The following KLF7 variants were observed in gnomAD, a reference collection of about 807,000 sequenced individuals.
KLF7 encodes Krueppel-like factor 7.
A neutral mutation model predicts 27.3 loss-of-function variants in KLF7; 2 were observed. The ratio of observed to expected loss-of-function variants is 0.07; its 90% CI spans 0.03 to 0.23. KLF7 has a LOEUF of 0.23. Ranked by LOEUF, KLF7 falls within the 10% of genes least tolerant of loss-of-function variation. The pLI is 1.00. For missense variants in KLF7, 221 were observed against 394.1 expected, an observed-to-expected ratio of 0.56 and a Z score of 3.72; for synonymous variants, 165 against 162.4, an observed-to-expected ratio of 1.02 and a Z score of -0.12.
intron 3 of KLF7, 109 bp downstream of exon 3, chr2:207,088,349 G>A: frequency 2.3e-6 from 3 of 1,291,108 alleles, no homozygotes; most frequent in Non-Finnish European, 3.2e-6. Flanking sequence ...CCAGGTCCAA[G>A]TGTCTGTGAG....
At chr2:207,084,545 A>G (rs1274644560) in intron 3 of KLF7, among the ~76,000 whole-genome samples, 1 of 152,220 alleles carries the variant, frequency 6.6e-6, no homozygotes. Context: ...CCAAAAAAAA[A>G]ATGTATGATG....
intron 2 of KLF7, among the ~76,000 whole-genome samples, chr2:207,116,298 A>G (rs1168616549): frequency 6.6e-6 from 1 of 152,204 alleles, no homozygotes; most frequent in Admixed American, 6.5e-5. Context: ...ACTACATTCA[A>G]GCTGAATATT....
intron 1 of KLF7, chr2:207,149,231 A>C (rs1033823252): frequency 9.3e-7 from 1 of 1,074,124 alleles, no homozygotes; most frequent in Non-Finnish European, 1.3e-6. Context: ...ATCTGTTAAA[A>C]GCAACACCCC....
intron 2 of KLF7, among the ~76,000 whole-genome samples, chr2:207,109,790 T>C (rs1407151380): frequency 6.6e-6 from 1 of 152,128 alleles, no homozygotes; most frequent in Non-Finnish European, 1.5e-5. Flanking sequence ...ATCAAGATAA[T>C]ATTACTAATT....
At chr2:207,124,430 A>G (rs1161986820) in intron 1 of KLF7, 26 bp from the exon 2 acceptor site, 3 of 1,534,286 alleles carry the variant, frequency 2.0e-6, no homozygotes. Context: ...GGAGGGAGAG[A>G]AACAGCCATC....
intron 2 of KLF7, among the ~76,000 whole-genome samples, chr2:207,104,061 C>CT (rs1204409748): frequency 6.6e-6 from 1 of 152,138 alleles, no homozygotes; most frequent in African/African-American, 2.4e-5. Flanking sequence ...CCATCAAAGA[C>CT]GTCAAGCCCC....
intron 1 of KLF7, among the ~76,000 whole-genome samples, chr2:207,126,863 A>G (rs927796631): frequency 6.6e-6 from 1 of 151,934 alleles, no homozygotes; most frequent in Non-Finnish European, 1.5e-5. Context: ...TCCTTGAGGT[A>G]GTTCTCTGCC....
chr2:207,082,080 C>T (rs2076286013), intron 3 of KLF7, among the ~76,000 whole-genome samples: 1 of 152,128 alleles, frequency 6.6e-6, no homozygotes, highest in African/African-American at 2.4e-5. Context: ...AACTGAGTGC[C>T]TTCTTCATGT....
chr2:207,098,357 C>A (rs941357281), intron 2 of KLF7, among the ~76,000 whole-genome samples: 1 of 152,024 alleles, frequency 6.6e-6, no homozygotes. Context: ...TTAATCTTTC[C>A]CTTTCAAGAT....
At chr2:207,167,598 CT>C (rs1262514548), upstream of KLF7, among the ~76,000 whole-genome samples, 1 of 152,216 alleles carries the variant, frequency 6.6e-6, no homozygotes, top group East Asian at 1.9e-4. Flanking sequence ...GATTTATTTA[CT>C]TGTTAGTGTC....
intron 1 of KLF7, among the ~76,000 whole-genome samples, chr2:207,136,316 T>C (rs1443724344): frequency 1.3e-5 from 2 of 152,146 alleles, no homozygotes; most frequent in African/African-American, 4.8e-5. Flanking sequence ...CCTTACTCTT[T>C]TCTACTCCTC....
intron 1 of KLF7, among the ~76,000 whole-genome samples, chr2:207,162,621 C>G (rs1028976720): frequency 2.0e-5 from 3 of 152,238 alleles, no homozygotes; most frequent in Non-Finnish European, 4.4e-5. Context: ...ATCTCCGTGA[C>G]GAGAGGGAGC....
intron 1 of KLF7, among the ~76,000 whole-genome samples, chr2:207,141,852 G>GGA (rs1445149643): frequency 1.3e-5 from 2 of 152,042 alleles, no homozygotes; most frequent in Non-Finnish European, 2.9e-5. Flanking sequence ...GTTATCAGCT[G>GGA]GAGAACCTTA....
chr2:207,152,565 G>A (rs2078275780), intron 1 of KLF7, among the ~76,000 whole-genome samples: 2 of 152,166 alleles, frequency 1.3e-5, no homozygotes, highest in Admixed American at 6.5e-5. Context: ...GCAGGGGGAG[G>A]GGTGAACCAG....
chr2:207,104,766 T>C (rs577545808), intron 2 of KLF7, among the ~76,000 whole-genome samples: 1 of 152,206 alleles, frequency 6.6e-6, no homozygotes, highest in African/African-American at 2.4e-5. Flanking sequence ...GCCTTTCATA[T>C]AAGCAGCAAC....
At chr2:207,151,199 C>T (rs987169409) in intron 1 of KLF7, among the ~76,000 whole-genome samples, 40 of 152,210 alleles carry the variant, frequency 2.6e-4, no homozygotes, top group African/African-American at 9.6e-4. Flanking sequence ...ATCAACACTG[C>T]GCTTATGAAG....
At chr2:207,164,131 G>C (rs149546426) in intron 1 of KLF7, among the ~76,000 whole-genome samples, 2 of 152,312 alleles carry the variant, frequency 1.3e-5, no homozygotes, top group African/African-American at 4.8e-5. Context: ...GATCCGCCTT[G>C]CCACTCGGCT....
At chr2:207,149,407 A>G (rs1172917304) in intron 1 of KLF7, among the ~76,000 whole-genome samples, 1 of 152,212 alleles carries the variant, frequency 6.6e-6, no homozygotes, top group Admixed American at 6.5e-5. Flanking sequence ...TATCTGCTCT[A>G]CTGGCAGCAC....
chr2:207,167,083 TG>T (rs1450359188), upstream of KLF7: 44 of 1,368,694 alleles, frequency 3.2e-5, no homozygotes, highest in Non-Finnish European at 4.2e-5. Context: ...TAGGTAGACG[TG>T]GGGCGCAAGC....
Sources: gnomAD v4.1 joint callset for allele counts (sites outside exome capture counted in the v4.1 genomes callset) on GRCh38, gnomAD v4.1.1 for gene constraint, MANE v1.5 for transcripts, NCBI Gene and HGNC (gene_info 2026-07-23, HGNC 2026-07-21) for gene names.